Variants in SPATA16 observed in about 807,000 individuals in gnomAD.
SPATA16 encodes the protein spermatogenesis-associated protein 16.
A neutral mutation model predicts 63.3 loss-of-function variants in SPATA16; 36 were observed. The observed-to-expected ratio is 0.57, with a 90% CI of 0.44 to 0.75. The LOEUF (loss-of-function observed/expected upper bound fraction) is 0.75. Among genes scored for constraint, SPATA16 ranks in the 30% least tolerant of loss-of-function variants. The pLI is 0.00. For synonymous variants in SPATA16, 203 were observed against 216.7 expected (o/e 0.94, Z 0.56); for missense variants, 646 against 679.3 (o/e 0.95, Z 0.54).
intron 6 of SPATA16, among the ~76,000 whole-genome samples, chr3:172,950,277 C>T (rs1364718013): frequency 1.3e-5 from 2 of 152,188 alleles, no homozygotes; most frequent in Non-Finnish European, 2.9e-5. Flanking sequence ...TGGAGGTGAA[C>T]TCCATTAGAT....
chr3:173,036,198 C>T (rs1281562530), intron 3 of SPATA16, among the ~76,000 whole-genome samples: 1 of 151,966 alleles, frequency 6.6e-6, no homozygotes, highest in Non-Finnish European at 1.5e-5. Context: ...GATTATCAGA[C>T]TTGAAATTTG....
chr3:172,924,483 A>G (rs922686383), intron 7 of SPATA16, among the ~76,000 whole-genome samples, 166 bp from the exon 8 acceptor site: 2 of 152,168 alleles, frequency 1.3e-5, no homozygotes, highest in African/African-American at 4.8e-5. Flanking sequence ...AGAAAGATCT[A>G]TGGGGAGAAA....
chr3:173,023,653 CTCT>C (rs1487756021), intron 3 of SPATA16, among the ~76,000 whole-genome samples: 2 of 151,572 alleles, frequency 1.3e-5, no homozygotes, highest in African/African-American at 4.8e-5. Context: ...TGTGGCATTT[CTCT>C]TCTTTATTCA....
chr3:173,006,298 A>G (rs572040839), intron 4 of SPATA16, among the ~76,000 whole-genome samples: 2 of 152,350 alleles, frequency 1.3e-5, no homozygotes, highest in Admixed American at 6.5e-5. Flanking sequence ...GATTAATGCT[A>G]GAACACACTA....
intron 6 of SPATA16, among the ~76,000 whole-genome samples, chr3:172,947,299 A>C (rs917265402): frequency 4.0e-5 from 6 of 151,700 alleles, no homozygotes; most frequent in Admixed American, 6.7e-5. Flanking sequence ...TAACTCTTCA[A>C]ATAAACTCTT....
In SPATA16 at chr3:172,978,417, G is replaced by A. The variant is rs2108252237; in HGVS notation, c.849-1365C>T. On this transcript the variant is annotated intron_variant, in intron 4 of 10. Coordinates refer to ENST00000351008, the MANE Select transcript of SPATA16 (RefSeq NM_031955.6). ...GTTTGCATTTTGATAGAAGCACATG[G>A]AAACATTTTCTTTTCATAACAACCT... Among the ~76,000 whole-genome samples the A allele has an allele frequency of 2.0e-5, 3 of 152,276 alleles. 1 individual carries two copies. The East Asian group carries it at 5.8e-4, about 29-fold the overall frequency.
intron 2 of SPATA16, among the ~76,000 whole-genome samples, chr3:173,112,716 C>T (rs1577180626): frequency 6.6e-6 from 1 of 152,098 alleles, no homozygotes; most frequent in African/African-American, 2.4e-5. Flanking sequence ...GCGACTGGAG[C>T]GCCAAGATAT....
chr3:172,907,821 G>A (rs1732276289), intron 10 of SPATA16, among the ~76,000 whole-genome samples: 1 of 151,932 alleles, frequency 6.6e-6, no homozygotes, highest in Admixed American at 6.6e-5. Context: ...CAGGTGATCT[G>A]CCCACCTCGG....
At chr3:173,004,352 C>T (rs993802145) in intron 4 of SPATA16, among the ~76,000 whole-genome samples, 6 of 150,878 alleles carry the variant, frequency 4.0e-5, no homozygotes, top group African/African-American at 1.5e-4. Flanking sequence ...TGGGGGACTC[C>T]ACACTCTAAC....
intron 5 of SPATA16, among the ~76,000 whole-genome samples, chr3:172,971,486 C>T (rs1214009938): frequency 6.6e-6 from 1 of 152,170 alleles, no homozygotes; most frequent in Non-Finnish European, 1.5e-5. Flanking sequence ...AGCAGATTAA[C>T]TAGAGGTGGT....
In SPATA16 at chr3:173,054,270, A is replaced by C. The variant is rs555088338; in HGVS notation, c.613-5176T>G. ...ATGAATAAAAAACACAGGACCCAGC[A>C]ACCCCATTACTGGGTATATACCCAA... On this transcript the variant is annotated intron_variant, in intron 2 of 10. Transcript: ENST00000351008. 4.6e-5 allele frequency among the ~76,000 whole-genome samples: 7 copies of C among 152,276 alleles called. No homozygotes were observed. In the South Asian group the frequency reaches 1.5e-3, roughly 32 times the overall value.
intron 5 of SPATA16, among the ~76,000 whole-genome samples, chr3:172,971,908 A>T (rs1322290401): frequency 6.6e-6 from 1 of 152,096 alleles, no homozygotes; most frequent in Non-Finnish European, 1.5e-5. Flanking sequence ...AAAGAGAAGG[A>T]GTTGTAAAAG....
chr3:172,956,346 A>G (rs1013744690), intron 6 of SPATA16, among the ~76,000 whole-genome samples: 3 of 152,128 alleles, frequency 2.0e-5, no homozygotes, highest in African/African-American at 4.8e-5. Context: ...GGAAAATACT[A>G]TAATCATCTG....
intron 2 of SPATA16, among the ~76,000 whole-genome samples, chr3:173,114,648 A>T (rs1737846172): frequency 6.6e-6 from 1 of 152,306 alleles, no homozygotes; most frequent in East Asian, 1.9e-4. Context: ...TTTGCAGCCA[A>T]ACCTAACCCT....
chr3:172,986,210 T>C (rs1734452780), intron 4 of SPATA16, among the ~76,000 whole-genome samples: 2 of 152,336 alleles, frequency 1.3e-5, no homozygotes, highest in South Asian at 2.1e-4. Flanking sequence ...TCAGTAAATA[T>C]TGATTGGCTG....
At position 173,116,855 on chromosome 3, in the gene SPATA16, A is replaced by G. The variant is rs548279683; in HGVS notation, c.612+265T>C. Among the ~76,000 whole-genome samples, 25 of 152,216 alleles carry G rather than the reference A, an allele frequency of 1.6e-4. 1 individual carries two copies. In the South Asian group the frequency reaches 5.0e-3, roughly 30 times the overall value. ...AGCAACTGCATTTTAAAAATATATCACCATTCACTTCAGGGTTTGTAAAAA... is the reference window on the plus strand; with the variant it reads ...AGCAACTGCATTTTAAAAATATATCGCCATTCACTTCAGGGTTTGTAAAAA... On this transcript the variant is annotated intron_variant, in intron 2 of 10. Coordinates refer to ENST00000351008, the MANE Select transcript of SPATA16 (RefSeq NM_031955.6).
intron 9 of SPATA16, 53 bp downstream of exon 9, chr3:172,916,264 C>A: frequency 4.6e-6 from 7 of 1,525,104 alleles, no homozygotes; most frequent in Non-Finnish European, 6.3e-6. Flanking sequence ...GACCATATCA[C>A]TTTTCTGTTG....
intron 2 of SPATA16, among the ~76,000 whole-genome samples, chr3:173,049,603 T>C (rs1011216258): frequency 6.6e-6 from 1 of 152,150 alleles, no homozygotes; most frequent in African/African-American, 2.4e-5. Context: ...ATTAACATGA[T>C]CGGTGATTAA....
chr3:173,076,225 A>C, intron 2 of SPATA16, among the ~76,000 whole-genome samples: 1 of 152,080 alleles, frequency 6.6e-6, no homozygotes, highest in Non-Finnish European at 1.5e-5. Context: ...CTATCTTTTA[A>C]AATTTTCTTT....
Sources: gnomAD v4.1 joint callset for allele counts (sites outside exome capture counted in the v4.1 genomes callset) on GRCh38, gnomAD v4.1.1 for gene constraint, MANE v1.5 for transcripts, NCBI Gene and HGNC (gene_info 2026-07-23, HGNC 2026-07-21) for gene names.